Variants in ZNF274 observed in about 807,000 individuals in gnomAD.
ZNF274 encodes the protein neurotrophin receptor-interacting factor homolog.
ZNF274 carries 23 observed loss-of-function variants against 42.5 expected under a neutral mutation model. That is an observed-to-expected ratio of 0.54 (90% CI 0.39 to 0.77). ZNF274 has a LOEUF of 0.77. Among genes scored for constraint, ZNF274 ranks in the 30% least tolerant of loss-of-function variants. The pLI, the probability that ZNF274 is intolerant of heterozygous loss-of-function variation, is 0.00. For synonymous variants in ZNF274, 292 were observed against 305.4 expected, an observed-to-expected ratio of 0.96 and a Z score of 0.46; for missense variants, 679 against 806.5, an observed-to-expected ratio of 0.84 and a Z score of 1.91.
At chr19:58,187,708 G>A (rs951662239) in intron 4 of ZNF274, among the ~76,000 whole-genome samples, 4 of 151,900 alleles carry the variant, frequency 2.6e-5, no homozygotes, top group African/African-American at 7.3e-5. Flanking sequence ...ATGAGCCACC[G>A]TGTCTGTCTG....
chr19:58,195,157 C>A (rs1212603864), intron 4 of ZNF274, among the ~76,000 whole-genome samples: 1 of 150,502 alleles, frequency 6.6e-6, no homozygotes, highest in East Asian at 1.9e-4. Context: ...GAGATGGTGC[C>A]ACTGCACTCC....
In ZNF274 at chr19:58,183,413, C is replaced by T. The variant is rs1600125681; in HGVS notation, c.-75C>T. The T allele has an allele frequency of 6.6e-6, 1 of 152,326 alleles. No homozygotes were observed. Among genetic ancestry groups the T allele is most frequent in the Non-Finnish European group, 1.5e-5 (1 of 68,074 alleles). The allele number at this position is 152,326 out of a possible 1,614,324, so 9.4% of individuals were successfully genotyped here. Reference sequence around the variant, plus strand: ...CGGGCTGACGCACTTCGCCGCCGGCCGACGGGCGCCATTGTGCGGCGCGCG... The same window carrying T: ...CGGGCTGACGCACTTCGCCGCCGGCTGACGGGCGCCATTGTGCGGCGCGCG... On this transcript the variant is annotated 5_prime_UTR_variant, in exon 1 of 8. Transcript: ENST00000617501.
chr19:58,185,453 A>G (rs1051816252), intron 2 of ZNF274: 3 of 164,032 alleles, frequency 1.8e-5, no homozygotes, highest in Non-Finnish European at 3.9e-5. Flanking sequence ...AAATAAATAA[A>G]TAAATAAATA....
intron 4 of ZNF274, among the ~76,000 whole-genome samples, chr19:58,204,530 G>GGAGGGGTCTGTGCAGGCGGCTT (rs1320357851): frequency 1.3e-5 from 2 of 152,142 alleles, no homozygotes; most frequent in Non-Finnish European, 2.9e-5. Flanking sequence ...CCAGGGCCGA[G>GGAGGGGTCTGTGCAGGCGGCTT]GAGGGGTCTG....
rs559261455 is a variant in ZNF274 at position 58,211,462 on chromosome 19, G to A, written c.853-98G>A. 3.0e-5 allele frequency: 44 copies of A among 1,465,516 alleles called. No homozygotes were observed. The highest frequency in any genetic ancestry group is 2.7e-4 in the East Asian group (11 of 41,436). The allele number at this position is 1,465,516 out of a possible 1,614,324, so 90.8% of individuals were successfully genotyped here. On this transcript the variant is annotated intron_variant, in intron 6 of 7. Coordinates refer to ENST00000617501, the MANE Select transcript of ZNF274 (RefSeq NM_133502.3). The surrounding 1 kb of genome is among the most constrained non-coding windows in gnomAD (Gnocchi z 4.8). Reference sequence around the variant, plus strand: ...CCAAAGCAGGAGAGTCCCTAGCACCGTGAGCTCTGTCAGAACCTCCCAGCT... The same window carrying A: ...CCAAAGCAGGAGAGTCCCTAGCACCATGAGCTCTGTCAGAACCTCCCAGCT...
intron 4 of ZNF274, among the ~76,000 whole-genome samples, chr19:58,206,094 T>C (rs2075976219): frequency 6.6e-6 from 1 of 152,208 alleles, no homozygotes; most frequent in Non-Finnish European, 1.5e-5. Flanking sequence ...ACCAATCCTC[T>C]CAATTTCTCC....
intron 5 of ZNF274, chr19:58,209,630 G>A: frequency 5.0e-6 from 1 of 201,630 alleles, no homozygotes; most frequent in South Asian, 1.0e-4. Flanking sequence ...TCTAAGGAGG[G>A]GGCGTCAGTC....
chr19:58,187,303 G>T (rs2075711613), intron 4 of ZNF274, among the ~76,000 whole-genome samples: 1 of 152,168 alleles, frequency 6.6e-6, no homozygotes, highest in South Asian at 2.1e-4. Flanking sequence ...ATTGTCTACT[G>T]CCCTCCCCTC....
At position 58,211,645 on chromosome 19, in the gene ZNF274, G is replaced by A. The variant is rs2076041822; in HGVS notation, c.938G>A (p.Arg313His). 6.8e-6 allele frequency: 11 copies of A among 1,613,820 alleles called. No individual in the cohort carries two copies. Among genetic ancestry groups the A allele is most frequent in the East Asian group, 2.2e-5 (1 of 44,870 alleles). The change falls in exon 7 of 8, where the codon CGC becomes CAC. Residue 313 changes from arginine (R) to histidine (H), a missense_variant. Physicochemically the swap from Arg to His is conservative, Grantham distance 29. Around this residue, in one of 2 missense-constraint regions of ZNF274, gnomAD observed 456 missense variants for 590.1 expected, o/e 0.77. Transcript: ENST00000617501. The surrounding 1 kb of genome is among the most constrained non-coding windows in gnomAD (Gnocchi z 4.8). ...GGCCCGACACAGAGGACCGAGTACC[G>A]CGATGTGATGCTGGAGACCTTTGGG... ...LLGPTQRTEY[R>H]DVMLETFGHL... is the part of the protein sequence containing the mutation.
At chr19:58,195,386 A>C (rs2075829815) in intron 4 of ZNF274, among the ~76,000 whole-genome samples, 1 of 152,210 alleles carries the variant, frequency 6.6e-6, no homozygotes, top group Non-Finnish European at 1.5e-5. Context: ...TTGCAAATCC[A>C]GTCGAATACA....
chr19:58,188,718 A>ATG (rs34028653), intron 4 of ZNF274, among the ~76,000 whole-genome samples: 1 of 134,856 alleles, frequency 7.4e-6, no homozygotes, highest in Admixed American at 7.6e-5. Context: ...ATATATATAT[A>ATG]TATATAAATC....
intron 5 of ZNF274, chr19:58,209,680 C>G (rs1460253662): frequency 3.7e-6 from 1 of 267,242 alleles, no homozygotes; most frequent in Non-Finnish European, 7.2e-6. Context: ...CAGCAGCCCC[C>G]GGAAAGGGAA....
Position 58,188,614 on chromosome 19 carries a change from AAAAAAAAT to A in ZNF274, c.256+1574_256+1581del, listed in dbSNP as rs1361059849. 9.6e-3 allele frequency among the ~76,000 whole-genome samples: 831 copies of A among 86,152 alleles called. 8 individuals carry two copies. The highest frequency in any genetic ancestry group is 0.011 in the Non-Finnish European group (557 of 49,628). The allele number at this position is 86,152 out of a possible 152,430, so 56.5% of individuals were successfully genotyped here. A position where few individuals can be genotyped will look rare whatever the true frequency, so the allele number is the denominator to read the frequency against. ...GAGTGAGACTCCATCTCAAAAAAAA[AAAAAAAAT>A]ATATATATATATATATATATATATG... is the stretch of plus-strand genomic sequence containing the variant. On this transcript the variant is annotated intron_variant, in intron 4 of 7. Coordinates refer to ENST00000617501, the MANE Select transcript of ZNF274 (RefSeq NM_133502.3).
chr19:58,209,833 A>G (rs570522824), intron 5 of ZNF274, 128 bp from the exon 6 acceptor site: 4 of 610,110 alleles, frequency 6.6e-6, no homozygotes, highest in Non-Finnish European at 8.7e-6. Context: ...GGACAGGAGC[A>G]GAGGCTGTCA....
At position 58,211,309 on chromosome 19, in the gene ZNF274, G is replaced by A. The variant is rs77224044; in HGVS notation, c.853-251G>A. On this transcript the variant is annotated intron_variant, in intron 6 of 7. Coordinates refer to ENST00000617501, the MANE Select transcript of ZNF274 (RefSeq NM_133502.3). The surrounding 1 kb of genome is among the most constrained non-coding windows in gnomAD (Gnocchi z 4.8). ...TGGATAGAGCCGTGGTTAGGATGGA[G>A]TTGTTTGCTTGTTGCACTTGGAGCT... is the stretch of plus-strand genomic sequence containing the variant. 1,584 of 391,264 alleles carry A rather than the reference G, an allele frequency of 4.0e-3. 24 individuals are homozygous for A. Among genetic ancestry groups the A allele is most frequent in the African/African-American group, 0.028 (1,383 of 48,714 alleles). The allele number at this position is 391,264 out of a possible 1,614,324, so 24.2% of individuals were successfully genotyped here.
chr19:58,183,363 G>A lies in ZNF274; in HGVS notation c.-125G>A, dbSNP rs2075652883. 6.6e-6 allele frequency: 1 copy of A among 152,346 alleles called. No homozygotes were observed. The highest frequency in any genetic ancestry group is 1.5e-5 in the Non-Finnish European group (1 of 68,066). 9.4% of individuals were successfully genotyped at this position (152,346 alleles called of 1,614,324 possible). On this transcript the variant is annotated 5_prime_UTR_variant, in exon 1 of 8. Coordinates refer to ENST00000617501, the MANE Select transcript of ZNF274 (RefSeq NM_133502.3). ...AGGCAAGCTGGCGCGCCGCGGGGGC[G>A]TCTGGGAGTTGTAGTTCGGGACGGC...
At position 58,188,710 on chromosome 19, in the gene ZNF274, A is replaced by G. The variant is rs1321374656; in HGVS notation, c.256+1668A>G. Among the ~76,000 whole-genome samples, 329 of 124,482 alleles carry G rather than the reference A, an allele frequency of 2.6e-3. 7 individuals carry two copies. Among genetic ancestry groups the G allele is most frequent in the African/African-American group, 9.2e-3 (302 of 32,844 alleles). 81.7% of individuals were successfully genotyped at this position (124,482 alleles called of 152,430 possible). On this transcript the variant is annotated intron_variant, in intron 4 of 7. Transcript: ENST00000617501. ...TATGTATATGTATATATATATATATATATATATATATATAAATCTTTAAAA... is the reference window on the plus strand; with the variant it reads ...TATGTATATGTATATATATATATATGTATATATATATATAAATCTTTAAAA...
chr19:58,185,076 C>G (rs1252200213), intron 2 of ZNF274, among the ~76,000 whole-genome samples: 2 of 147,848 alleles, frequency 1.4e-5, no homozygotes, highest in East Asian at 4.0e-4. Context: ...GCCGAGATGG[C>G]GCCACTGCAC....
Position 58,187,050 on chromosome 19 carries a change from C to T in ZNF274, c.256+8C>T. The T allele has an allele frequency of 2.5e-6, 4 of 1,608,204 alleles. No individual in the cohort carries two copies. The South Asian group carries it at 4.4e-5, about 18-fold the overall frequency. On this transcript the variant is annotated splice_region_variant and intron_variant, in intron 4 of 7. Coordinates refer to ENST00000617501, the MANE Select transcript of ZNF274 (RefSeq NM_133502.3). ...CTCAAGACACCATTCCAGGTGAGAA[C>T]CAGACATGGGAAGCCCCCACAGGGA...
Sources: allele counts gnomAD v4.1 joint callset (sites outside exome capture counted in the v4.1 genomes callset), GRCh38; gene constraint gnomAD v4.1.1; regional missense constraint gnomAD v4.1.1; non-coding constraint Gnocchi (gnomAD v3.1); transcripts MANE v1.5; gene names NCBI Gene and HGNC (gene_info 2026-07-23, HGNC 2026-07-21).